The following ANGPT1 variants were observed in gnomAD, a reference collection of about 807,000 sequenced individuals.
The protein encoded by ANGPT1 is angiopoietin 1.
ANGPT1 carries 17 observed loss-of-function variants against 62.2 expected under a neutral mutation model. The observed-to-expected ratio is 0.27, with a 90% CI of 0.19 to 0.41. The LOEUF is 0.41. Among genes scored for constraint, ANGPT1 ranks in the 10% least tolerant of loss-of-function variants. The pLI is 1.00. For missense variants in ANGPT1, 478 were observed against 594.9 expected (o/e 0.80, Z 2.04); for synonymous variants, 199 against 198.9 (o/e 1.00, Z 0.00).
intron 4 of ANGPT1, among the ~76,000 whole-genome samples, chr8:107,317,485 TTTTTC>T (rs1239829486): frequency 9.2e-5 from 14 of 152,192 alleles, no homozygotes; most frequent in African/African-American, 3.1e-4. Context: ...TTTTAAAAAC[TTTTTC>T]TTTTCTTTTT....
At chr8:107,406,688 C>T (rs1362379298) in intron 1 of ANGPT1, among the ~76,000 whole-genome samples, 1 of 151,938 alleles carries the variant, frequency 6.6e-6, no homozygotes, top group Admixed American at 6.6e-5. Context: ...AAATACTTTT[C>T]TGTGCTCCCT....
chr8:107,314,839 T>C (rs886477358), intron 4 of ANGPT1, among the ~76,000 whole-genome samples: 1 of 152,222 alleles, frequency 6.6e-6, no homozygotes, highest in African/African-American at 2.4e-5. Context: ...TTTTTATCAA[T>C]GTTTATATGA....
intron 4 of ANGPT1, among the ~76,000 whole-genome samples, chr8:107,307,435 C>T (rs2129995786): frequency 6.6e-6 from 1 of 152,220 alleles, no homozygotes; most frequent in Non-Finnish European, 1.5e-5. Context: ...AATCTTTCTA[C>T]TGTTTTAAAA....
chr8:107,365,044 G>A (rs1004947039), intron 1 of ANGPT1, among the ~76,000 whole-genome samples: 4 of 151,996 alleles, frequency 2.6e-5, no homozygotes, highest in African/African-American at 9.7e-5. Flanking sequence ...ATGAAGCATA[G>A]AATTATTCAT....
intron 1 of ANGPT1, among the ~76,000 whole-genome samples, chr8:107,445,328 A>G (rs1449538953): frequency 6.6e-6 from 1 of 152,106 alleles, no homozygotes; most frequent in Non-Finnish European, 1.5e-5. Context: ...TGCAATGGGG[A>G]GGGAGAAAAT....
intron 1 of ANGPT1, among the ~76,000 whole-genome samples, chr8:107,420,936 CCTG>C (rs1373774968): frequency 2.6e-5 from 4 of 151,940 alleles, no homozygotes; most frequent in African/African-American, 4.8e-5. Flanking sequence ...CACTAATACT[CCTG>C]CTAACATTTA....
chr8:107,440,040 T>C (rs1811433948), intron 1 of ANGPT1, among the ~76,000 whole-genome samples: 1 of 152,158 alleles, frequency 6.6e-6, no homozygotes, highest in African/African-American at 2.4e-5. Flanking sequence ...CATAATTCCC[T>C]TTTCTTCCCC....
chr8:107,412,940 C>A (rs1217618488), intron 1 of ANGPT1, among the ~76,000 whole-genome samples: 1 of 151,984 alleles, frequency 6.6e-6, no homozygotes, highest in African/African-American at 2.4e-5. Flanking sequence ...CTATGATGTG[C>A]CAGGGAGTGC....
At chr8:107,464,253 C>T (rs1812144171) in intron 1 of ANGPT1, among the ~76,000 whole-genome samples, 1 of 152,070 alleles carries the variant, frequency 6.6e-6, no homozygotes, top group African/African-American at 2.4e-5. Flanking sequence ...TGGTTTCTGG[C>T]ATATGGTCAA....
chr8:107,414,795 G>T (rs1220599929), intron 1 of ANGPT1, among the ~76,000 whole-genome samples: 2 of 152,110 alleles, frequency 1.3e-5, no homozygotes, highest in Non-Finnish European at 2.9e-5. Flanking sequence ...TAAATTATTT[G>T]GACATCTCAT....
intron 1 of ANGPT1, among the ~76,000 whole-genome samples, chr8:107,472,971 C>T (rs1812401382): frequency 6.6e-6 from 1 of 152,074 alleles, no homozygotes; most frequent in African/African-American, 2.4e-5. Flanking sequence ...CCCATCTCCA[C>T]TACCACCAGT....
intron 7 of ANGPT1, among the ~76,000 whole-genome samples, chr8:107,276,295 C>T (rs888367834): frequency 6.6e-6 from 1 of 152,030 alleles, no homozygotes. Context: ...GTTTGAAAAC[C>T]TATGTTAGGA....
At chr8:107,376,541 T>C (rs182072554) in intron 1 of ANGPT1, among the ~76,000 whole-genome samples, 329 of 152,304 alleles carry the variant, frequency 2.2e-3, no homozygotes, top group Admixed American at 4.1e-3. Flanking sequence ...TGTTTGTTTT[T>C]GTTTTTTTGT....
chr8:107,374,930 G>C (rs777426699), intron 1 of ANGPT1, among the ~76,000 whole-genome samples: 1 of 152,176 alleles, frequency 6.6e-6, no homozygotes, highest in Non-Finnish European at 1.5e-5. Flanking sequence ...GGGAGGCCGA[G>C]GAGGGCGGAT....
intron 7 of ANGPT1, among the ~76,000 whole-genome samples, chr8:107,264,776 G>A (rs1813575403): frequency 6.6e-6 from 1 of 152,106 alleles, no homozygotes; most frequent in African/African-American, 2.4e-5. Context: ...TCTGTGCCAG[G>A]CACTATGTTA....
chr8:107,351,265 T>C (rs988981312), intron 1 of ANGPT1, among the ~76,000 whole-genome samples: 6 of 152,158 alleles, frequency 3.9e-5, no homozygotes, highest in African/African-American at 1.4e-4. Flanking sequence ...TTGCATTTGT[T>C]AAGTGATTTA....
At chr8:107,393,379 A>G (rs1816872483) in intron 1 of ANGPT1, among the ~76,000 whole-genome samples, 1 of 152,196 alleles carries the variant, frequency 6.6e-6, no homozygotes, top group South Asian at 2.1e-4. Context: ...TAGTAATTAC[A>G]TGACATTACA....
At chr8:107,293,265 G>GA (rs1256018349) in intron 6 of ANGPT1, among the ~76,000 whole-genome samples, 1 of 151,976 alleles carries the variant, frequency 6.6e-6, no homozygotes, top group East Asian at 1.9e-4. Context: ...AGACCCCAGT[G>GA]AGCCATGGCT....
At chr8:107,263,372 A>G (rs1813540329) in intron 8 of ANGPT1, among the ~76,000 whole-genome samples, 3 of 151,458 alleles carry the variant, frequency 2.0e-5, no homozygotes, top group Non-Finnish European at 4.4e-5. Context: ...AAAAAAAAAA[A>G]AAAAAAGGAA....
Sources: gnomAD v4.1 joint callset for allele counts (sites outside exome capture counted in the v4.1 genomes callset) on GRCh38, gnomAD v4.1.1 for gene constraint, MANE v1.5 for transcripts, NCBI Gene and HGNC (gene_info 2026-07-23, HGNC 2026-07-21) for gene names.